CNTN5: variants seen among roughly 807,000 people sequenced by gnomAD.
CNTN5 encodes contactin 5, also known as contactin-5.
In CNTN5, 77 loss-of-function variants were observed where a neutral mutation model predicts 129.1. The ratio of observed to expected loss-of-function variants is 0.60; its 90% confidence interval spans 0.50 to 0.72. The LOEUF is 0.72. Among genes scored for constraint, CNTN5 ranks in the 30% least tolerant of loss-of-function variants. CNTN5 has a pLI of 0.00. For synonymous variants in CNTN5, 509 were observed against 465.6 expected (o/e 1.09, Z -1.20); for missense variants, 1,478 against 1,328.8 (o/e 1.11, Z -1.75).
chr11:99,098,330 C>A (rs1003219906), intron 1 of CNTN5, among the ~76,000 whole-genome samples: 1 of 152,028 alleles, frequency 6.6e-6, no homozygotes, highest in African/African-American at 2.4e-5. Context: ...TGAGAAGCGA[C>A]ATAGTTGACA....
At chr11:99,114,730 T>C (rs563162953) in intron 1 of CNTN5, among the ~76,000 whole-genome samples, 1 of 152,298 alleles carries the variant, frequency 6.6e-6, no homozygotes, top group Admixed American at 6.5e-5. Context: ...AGTTTGTTCC[T>C]CGTAAACATT....
In CNTN5 at chr11:99,439,720, A is replaced by AG. The variant is rs1591060536; in HGVS notation, c.-71+114236_-71+114237insG. Among the ~76,000 whole-genome samples, 5 of 149,260 alleles carry AG rather than the reference A, an allele frequency of 3.3e-5. No homozygotes were observed. The East Asian group carries it at 9.8e-4, about 29-fold the overall frequency. ...AAGACTCTGTCTCAAAAAAAAAAAA[A>AG]AAAAAGAAAAAGAAAAAAAGAAATA... On this transcript the variant is annotated intron_variant, in intron 2 of 24. Coordinates refer to ENST00000524871, the MANE Select transcript of CNTN5 (RefSeq NM_014361.4).
chr11:99,534,630 G>A (rs1947836042), intron 2 of CNTN5, among the ~76,000 whole-genome samples: 1 of 152,070 alleles, frequency 6.6e-6, no homozygotes, highest in Non-Finnish European at 1.5e-5. Context: ...GAATATACTT[G>A]AATTTTTGCT....
chr11:99,085,066 A>T (rs1013447587), intron 1 of CNTN5, among the ~76,000 whole-genome samples: 2 of 151,430 alleles, frequency 1.3e-5, no homozygotes, highest in African/African-American at 2.4e-5. Flanking sequence ...TTTTTTTGAA[A>T]TGGAGTCTTT....
chr11:99,606,484 G>T (rs1337521482), intron 3 of CNTN5, among the ~76,000 whole-genome samples: 1 of 143,728 alleles, frequency 7.0e-6, no homozygotes, highest in Admixed American at 6.9e-5. Context: ...CATGCTCATG[G>T]GTAGGAAGAA....
At chr11:99,588,811 G>A (rs573312639) in intron 3 of CNTN5, among the ~76,000 whole-genome samples, 9 of 152,234 alleles carry the variant, frequency 5.9e-5, no homozygotes, top group African/African-American at 2.2e-4. Context: ...AGACCAACCT[G>A]GTTGCAATAT....
At chr11:100,308,524 C>A in intron 21 of CNTN5, 56 bp downstream of exon 21, 1 of 1,529,400 alleles carries the variant, frequency 6.5e-7, no homozygotes, top group Non-Finnish European at 8.8e-7. Context: ...ATCACATTCT[C>A]CTAAAGAGAG....
intron 2 of CNTN5, among the ~76,000 whole-genome samples, chr11:99,484,356 T>A (rs1364340519): frequency 6.6e-6 from 1 of 152,110 alleles, no homozygotes; most frequent in African/African-American, 2.4e-5. Context: ...TAGAATAGCA[T>A]TTATCCAAAA....
At chr11:100,345,698 A>C (rs2139025614) in intron 23 of CNTN5, among the ~76,000 whole-genome samples, 1 of 152,294 alleles carries the variant, frequency 6.6e-6, no homozygotes, top group East Asian at 1.9e-4. Flanking sequence ...TAACACATTA[A>C]AACTGAATTC....
chr11:99,034,905 T>G (rs1242093887), intron 1 of CNTN5, among the ~76,000 whole-genome samples: 6 of 151,070 alleles, frequency 4.0e-5, no homozygotes, highest in South Asian at 4.2e-4. Context: ...TTGTGGGCAT[T>G]TAGTGCTATA....
intron 9 of CNTN5, among the ~76,000 whole-genome samples, chr11:100,050,831 G>A (rs959599562): frequency 1.3e-5 from 2 of 152,014 alleles, no homozygotes; most frequent in African/African-American, 4.8e-5. Context: ...ACAGAGTGTT[G>A]CCTAAGATAA....
At chr11:99,826,386 A>C (rs1480099353) in intron 4 of CNTN5, among the ~76,000 whole-genome samples, 1 of 152,158 alleles carries the variant, frequency 6.6e-6, no homozygotes, top group African/African-American at 2.4e-5. Flanking sequence ...CATCTTTGCA[A>C]GTCCACACCT....
chr11:99,998,215 G>A (rs1216178707), intron 8 of CNTN5, among the ~76,000 whole-genome samples: 2 of 151,948 alleles, frequency 1.3e-5, no homozygotes, highest in East Asian at 1.9e-4. Context: ...AAGTCAAATT[G>A]TCCCTGTTTG....
rs1381403854 is a variant in CNTN5, at chr11:99,765,298, C to G, written c.56-54246C>G. Among the ~76,000 whole-genome samples the G allele has an allele frequency of 2.6e-5, 4 of 151,822 alleles. No individual in the cohort carries two copies. The South Asian group carries it at 6.3e-4, about 24-fold the overall frequency. ...ACTATGTTACTTACTCTAAAGTCCA[C>G]CTGAAACCATATATATATATACATA... On this transcript the variant is annotated intron_variant, in intron 3 of 24. Coordinates refer to ENST00000524871, the MANE Select transcript of CNTN5 (RefSeq NM_014361.4).
chr11:99,706,494 A>G (rs1411399594), intron 3 of CNTN5, among the ~76,000 whole-genome samples: 2 of 151,510 alleles, frequency 1.3e-5, no homozygotes, highest in East Asian at 3.9e-4. Context: ...GAAACACCAT[A>G]GGAAACTGCC....
In CNTN5 at chr11:99,689,508, CAG is replaced by C. The variant is rs1953944115; in HGVS notation, c.56-130033_56-130032del. Among the ~76,000 whole-genome samples the C allele has an allele frequency of 3.7e-5, 4 of 107,540 alleles. No homozygotes were observed. In the South Asian group the frequency reaches 1.3e-3, roughly 36 times the overall value. The allele number at this position is 107,540 out of a possible 152,430, so 70.6% of individuals were successfully genotyped here. A position where few individuals can be genotyped will look rare whatever the true frequency, so the allele number is the denominator to read the frequency against. On this transcript the variant is annotated intron_variant, in intron 3 of 24. Transcript: ENST00000524871. ...CGCCACTGCACTCTACCCTGGGCGA[CAG>C]AGTGAGACTCCTCAAAAAAGAAAAA...
intron 6 of CNTN5, among the ~76,000 whole-genome samples, chr11:99,852,411 A>G (rs558291483): frequency 6.6e-6 from 1 of 152,090 alleles, no homozygotes; most frequent in South Asian, 2.1e-4. Context: ...TCGTGGTTTC[A>G]AGTGATCCTC....
At chr11:99,074,950 T>C (rs1865500518) in intron 1 of CNTN5, among the ~76,000 whole-genome samples, 2 of 152,160 alleles carry the variant, frequency 1.3e-5, no homozygotes, top group African/African-American at 2.4e-5. Flanking sequence ...CATTGAAAAA[T>C]AGCGAGGATA....
At chr11:99,097,123 G>A (rs1298295125) in intron 1 of CNTN5, among the ~76,000 whole-genome samples, 1 of 151,816 alleles carries the variant, frequency 6.6e-6, no homozygotes, top group Middle Eastern at 3.2e-3. Context: ...CCAAATAATT[G>A]GAGTTAGATA....
Sources: allele counts gnomAD v4.1 joint callset (sites outside exome capture counted in the v4.1 genomes callset), GRCh38; gene constraint gnomAD v4.1.1; transcripts MANE v1.5; gene names NCBI Gene and HGNC (gene_info 2026-07-23, HGNC 2026-07-21).